The following AMBN variants were observed in gnomAD, a reference collection of about 807,000 sequenced individuals.
AMBN encodes enamel matrix protein.
A neutral mutation model predicts 48.0 loss-of-function variants in AMBN; 54 were observed. The observed-to-expected ratio is 1.12, with a 90% CI of 0.90 to 1.41. The LOEUF is 1.41. AMBN is among the 40% of genes most tolerant of loss of function. The pLI, the probability that AMBN is intolerant of heterozygous loss-of-function variation, is 0.00. For synonymous variants in AMBN, 186 were observed against 190.0 expected (o/e 0.98, Z 0.17); for missense variants, 571 against 547.3 (o/e 1.04, Z -0.43).
chr4:70,599,790 T>C (rs1737478340), intron 5 of AMBN, 144 bp downstream of exon 5: 1 of 536,302 alleles, frequency 1.9e-6, no homozygotes, highest in Non-Finnish European at 3.2e-6. Flanking sequence ...TCGAAGCCTA[T>C]AACTGCTTTT....
In AMBN at chr4:70,602,612, T is replaced by C; in HGVS notation, c.532-12T>C. ...TTTTGACTGATAATTTTAATATTTA[T>C]CTGTGATATAGCTCCCAGGAGTAGA... On this transcript the variant is annotated splice_polypyrimidine_tract_variant and intron_variant, in intron 6 of 12. Transcript: ENST00000322937. The C allele has an allele frequency of 6.5e-7, 1 of 1,536,494 alleles. No individual in the cohort carries two copies. The highest frequency in any genetic ancestry group is 1.3e-5 in the South Asian group (1 of 74,082).
Position 70,598,353 on chromosome 4 carries a change from T to TAGACAATG in AMBN, c.139_146dup. On this transcript the variant is annotated splice_region_variant and splice_polypyrimidine_tract_variant and intron_variant, in intron 3 of 12. Transcript: ENST00000322937. The stretch of plus-strand genomic sequence containing the variant: ...ACAGTAACCCACTTTTTTTTCTTGA[T>TAGACAATG]AGACAATGAGACAGTTGGGAAGTCT... The TAGACAATG allele has an allele frequency of 6.4e-7, 1 of 1,568,938 alleles. No homozygotes were observed. Among genetic ancestry groups the TAGACAATG allele is most frequent in the Non-Finnish European group, 8.6e-7 (1 of 1,157,400 alleles).
At chr4:70,594,394 A>G (rs2109799239) in intron 2 of AMBN, among the ~76,000 whole-genome samples, 1 of 152,364 alleles carries the variant, frequency 6.6e-6, no homozygotes, top group African/African-American at 2.4e-5. Context: ...ATATGCATTT[A>G]GCAAATATGT....
chr4:70,595,863 CAAA>C, intron 2 of AMBN, among the ~76,000 whole-genome samples: 1 of 152,072 alleles, frequency 6.6e-6, no homozygotes, highest in Non-Finnish European at 1.5e-5. Context: ...AAACAAAAAA[CAAA>C]AGGAAAAGGC....
At position 70,607,238 on chromosome 4, in the gene AMBN, C is replaced by G. The variant is rs893225054; in HGVS notation, c.*508C>G. The G allele has an allele frequency of 6.6e-6, 1 of 152,254 alleles. No individual in the cohort carries two copies. The highest frequency in any genetic ancestry group is 1.5e-5 in the Non-Finnish European group (1 of 68,002). The allele number at this position is 152,254 out of a possible 1,614,324, so 9.4% of individuals were successfully genotyped here. A position where few individuals can be genotyped will look rare whatever the true frequency, so the allele number is the denominator to read the frequency against. ...TCATTTATAGAGTATTTTATTTAAT[C>G]TAGTATAAAAAATCTAGCCTATTTT... On this transcript the variant is annotated 3_prime_UTR_variant, in exon 13 of 13. Transcript: ENST00000322937.
chr4:70,601,118 A>C (rs780632317), intron 5 of AMBN, among the ~76,000 whole-genome samples: 1 of 152,186 alleles, frequency 6.6e-6, no homozygotes, highest in Non-Finnish European at 1.5e-5. Flanking sequence ...ATAAAGATAC[A>C]GATACATACA....
chr4:70,599,766 T>C (rs1020409188), intron 5 of AMBN, 120 bp downstream of exon 5: 154 of 617,886 alleles, frequency 2.5e-4, no homozygotes, highest in Non-Finnish European at 3.6e-4. Context: ...AAAATTATTC[T>C]CGTGCCAAAT....
rs140331879 is a variant in AMBN at position 70,606,372 on chromosome 4, C to A, written c.986C>A (p.Pro329Gln). Reference sequence around the variant, plus strand: ...GGAGGTGCACAAGGCTCCCCTATGCCGGAGGCCAACCCAGACAATCTAGAA... The same window carrying A: ...GGAGGTGCACAAGGCTCCCCTATGCAGGAGGCCAACCCAGACAATCTAGAA... ...EEGGAQGSPM[P>Q]EANPDNLENP... The change falls in exon 13 of 13, where the codon CCG becomes CAG. Residue 329 changes from proline to glutamine, a missense_variant. By Grantham distance (76) the Pro-to-Gln change is moderately conservative. Coordinates refer to ENST00000322937, the MANE Select transcript of AMBN (RefSeq NM_016519.6). 4.4e-5 allele frequency: 71 copies of A among 1,613,876 alleles called. No homozygotes were observed. Among genetic ancestry groups the A allele is most frequent in the Non-Finnish European group, 5.8e-5 (68 of 1,179,996 alleles).
At chr4:70,593,476 G>C in intron 2 of AMBN, 81 bp downstream of exon 2, 15 of 1,178,506 alleles carry the variant, frequency 1.3e-5, no homozygotes, top group Non-Finnish European at 1.9e-5. Flanking sequence ...TATGGACTGA[G>C]AGTCCACGCA....
chr4:70,600,815 G>A (rs1296306626), intron 5 of AMBN, among the ~76,000 whole-genome samples: 2 of 152,152 alleles, frequency 1.3e-5, no homozygotes, highest in East Asian at 1.9e-4. Flanking sequence ...GCATTACCAC[G>A]AGGTCACATT....
chr4:70,606,728 T>C lies in AMBN; in HGVS notation c.1342T>C (p.Ter448ArgextTer3). 1 of 1,609,420 alleles carries C rather than the reference T, an allele frequency of 6.2e-7. No individual in the cohort carries two copies. Among genetic ancestry groups the C allele is most frequent in the Non-Finnish European group, 8.5e-7 (1 of 1,177,726 alleles). The change falls in exon 13 of 13, where the codon TGA (stop) becomes CGA (arginine). Residue 448 changes from the stop codon to arginine (R), a stop_lost. Transcript: ENST00000322937. ...MHDAWHFQEP[*>R] is the part of the protein sequence containing the mutation. The stretch of plus-strand genomic sequence containing the variant: ...TGACGCATGGCATTTCCAAGAGCCC[T>C]GACAGCTCTAAGATATTAGCTACTT...
intron 12 of AMBN, among the ~76,000 whole-genome samples, chr4:70,604,624 A>G (rs1028026694): frequency 6.6e-6 from 1 of 152,232 alleles, no homozygotes; most frequent in Non-Finnish European, 1.5e-5. Flanking sequence ...TGAAAGAAAA[A>G]TTACATCTCA....
intron 12 of AMBN, among the ~76,000 whole-genome samples, chr4:70,605,198 G>A (rs1211643487): frequency 6.6e-6 from 1 of 152,134 alleles, no homozygotes; most frequent in African/African-American, 2.4e-5. Context: ...TGAAAGCTGA[G>A]AGAGAATGAA....
chr4:70,605,981 C>T (rs988448570), intron 12 of AMBN, among the ~76,000 whole-genome samples: 2 of 152,132 alleles, frequency 1.3e-5, no homozygotes, highest in Admixed American at 6.6e-5. Context: ...ATGCCGAGAT[C>T]CACCCAGATA....
rs1737676464 is a variant in AMBN, at chr4:70,606,970, G to T, written c.*240G>T. On this transcript the variant is annotated 3_prime_UTR_variant, in exon 13 of 13. Transcript: ENST00000322937. ...TTTAGAAACACTATTAATAACATCAGAGCAAGGTTCTAAGGGTCTCAGCAT... is the reference window on the plus strand; with the variant it reads ...TTTAGAAACACTATTAATAACATCATAGCAAGGTTCTAAGGGTCTCAGCAT... The T allele has an allele frequency of 4.0e-6, 2 of 494,198 alleles. No homozygotes were observed. Among genetic ancestry groups the T allele is most frequent in the Non-Finnish European group, 7.1e-6 (2 of 281,552 alleles). The allele number at this position is 494,198 out of a possible 1,614,324, so 30.6% of individuals were successfully genotyped here.
At chr4:70,600,011 G>A (rs1737482020) in intron 5 of AMBN, among the ~76,000 whole-genome samples, 1 of 152,056 alleles carries the variant, frequency 6.6e-6, no homozygotes, top group Admixed American at 6.5e-5. Context: ...CAATAATCCT[G>A]GTTAAAATAC....
chr4:70,603,366 G>T, intron 10 of AMBN, 47 bp downstream of exon 10: 1 of 1,612,652 alleles, frequency 6.2e-7, no homozygotes, highest in Non-Finnish European at 8.5e-7. Flanking sequence ...TTACTTAAAA[G>T]TTTTTCCATT....
chr4:70,595,315 G>A (rs1207323595), intron 2 of AMBN, among the ~76,000 whole-genome samples: 1 of 150,458 alleles, frequency 6.6e-6, no homozygotes, highest in East Asian at 2.0e-4. Context: ...AGCCTCCCAA[G>A]TAGCTGGGAT....
chr4:70,598,278 T>C, intron 3 of AMBN, 78 bp from the exon 4 acceptor site: 1 of 974,378 alleles, frequency 1.0e-6, no homozygotes, highest in Admixed American at 2.7e-5. Flanking sequence ...GTGTTGATAA[T>C]GTCAAATATC....
Sources: gnomAD v4.1 joint callset for allele counts (sites outside exome capture counted in the v4.1 genomes callset) on GRCh38, gnomAD v4.1.1 for gene constraint, MANE v1.5 for transcripts, NCBI Gene and HGNC (gene_info 2026-07-23, HGNC 2026-07-21) for gene names.